The following GALNS variants were observed in gnomAD, a reference collection of about 807,000 sequenced individuals.
GALNS encodes the protein galactosamine (N-acetyl)-6-sulfatase.
A neutral mutation model predicts 65.9 loss-of-function variants in GALNS; 65 were observed. The ratio of observed to expected loss-of-function variants is 0.99; its 90% CI spans 0.81 to 1.21. The LOEUF (loss-of-function observed/expected upper bound fraction) is 1.21, where lower values mean the gene tolerates loss of function less well. GALNS is among the 50% of genes most tolerant of loss of function. The probability of loss-of-function intolerance (pLI) is 0.00; values close to 1 mark genes in which losing one functional copy is unlikely to be tolerated. For missense variants in GALNS, 776 were observed against 700.7 expected (o/e 1.11, Z -1.21); for synonymous variants, 346 against 288.9 (o/e 1.20, Z -2.00).
At position 88,836,234 on chromosome 16, in the gene GALNS, C is replaced by T. The variant is rs760957813; in HGVS notation, c.600G>A (p.Thr200=). 14 of 1,613,462 alleles carry T rather than the reference C, an allele frequency of 8.7e-6. No individual in the cohort carries two copies. The highest frequency in any genetic ancestry group is 1.1e-5 in the South Asian group (1 of 91,058). The change falls in exon 6 of 14, where the codon ACG becomes ACA. Residue 200 remains threonine (T), a synonymous_variant. Coordinates refer to ENST00000268695, the MANE Select transcript of GALNS (RefSeq NM_000512.5). ...AGATCTGGGTGAGGTTGGCTTCCCC[C>T]GTCTTCAGATTAATAGGAAATTCTT... ...YYEEFPINLK[T]GEANLTQIYL...
At chr16:88,820,130 C>G (rs954222167) in intron 12 of GALNS, among the ~76,000 whole-genome samples, 1 of 151,320 alleles carries the variant, frequency 6.6e-6, no homozygotes, top group African/African-American at 2.4e-5. Flanking sequence ...TGCCTGGCCC[C>G]GTCGTCTTTT....
rs889045970 is a variant in GALNS, at chr16:88,820,816, C to CG, written c.1364+1772dup. ...GGCACCGCCATCCAGGCTTTAACCT[C>CG]GGGTGGTCCCTGGAGCGACCAGCCT... On this transcript the variant is annotated intron_variant, in intron 12 of 13. Coordinates refer to ENST00000268695, the MANE Select transcript of GALNS (RefSeq NM_000512.5). Among the ~76,000 whole-genome samples the CG allele has an allele frequency of 7.0e-4, 107 of 152,328 alleles. 1 individual carries two copies. The highest frequency in any genetic ancestry group is 2.4e-3 in the African/African-American group (98 of 41,576).
At chr16:88,855,558 GCT>G (rs1967782818) in intron 1 of GALNS, 2 of 700,186 alleles carry the variant, frequency 2.9e-6, no homozygotes, top group Non-Finnish European at 5.2e-6. Flanking sequence ...TGGAAAAGCA[GCT>G]GCCCAGGACT....
chr16:88,856,113 G>A (rs1967849554), intron 1 of GALNS: 1 of 697,478 alleles, frequency 1.4e-6, no homozygotes, highest in Non-Finnish European at 2.6e-6. Context: ...GTTAGGGAAG[G>A]AGGCCTCCAG....
At chr16:88,818,372 G>A (rs936193847) in intron 12 of GALNS, among the ~76,000 whole-genome samples, 6 of 152,208 alleles carry the variant, frequency 3.9e-5, no homozygotes, top group African/African-American at 1.4e-4. Context: ...GCCAAGCCCT[G>A]GCAGAGAGGC....
At chr16:88,821,031 C>T (rs1397583212) in intron 12 of GALNS, among the ~76,000 whole-genome samples, 1 of 152,200 alleles carries the variant, frequency 6.6e-6, no homozygotes, top group Non-Finnish European at 1.5e-5. Context: ...AAGCTCCAGG[C>T]CCCCCATGGT....
At chr16:88,817,493 G>A (rs1201528631) in intron 13 of GALNS, 21 of 985,288 alleles carry the variant, frequency 2.1e-5, no homozygotes, top group South Asian at 4.7e-5. Context: ...TGAGAACCTC[G>A]CAGGTGGGCC....
intron 1 of GALNS, among the ~76,000 whole-genome samples, chr16:88,853,684 C>G (rs983019633): frequency 6.6e-6 from 1 of 152,206 alleles, no homozygotes; most frequent in South Asian, 2.1e-4. Context: ...GCCCCAGAAG[C>G]CCTGGAGAGC....
chr16:88,835,092 G>T, intron 8 of GALNS, 121 bp downstream of exon 8: 1 of 1,299,292 alleles, frequency 7.7e-7, no homozygotes, highest in Non-Finnish European at 1.1e-6. Flanking sequence ...TCCTCCCGCT[G>T]GACCCAGAGG....
chr16:88,841,156 C>G, intron 3 of GALNS, 62 bp from the exon 4 acceptor site: 1 of 1,279,356 alleles, frequency 7.8e-7, no homozygotes, highest in South Asian at 1.2e-5. Context: ...CAACCCCATC[C>G]TAACAGGACA....
At position 88,855,507 on chromosome 16, in the gene GALNS, C is replaced by T. The variant is rs797002059; in HGVS notation, c.120+1251G>A. Reference sequence around the variant, plus strand: ...GGACCCCTGGGCGCTGGAGAGCGTGCTCTGGAAAGCAGTCACTGCACACAA... The same window carrying T: ...GGACCCCTGGGCGCTGGAGAGCGTGTTCTGGAAAGCAGTCACTGCACACAA... On this transcript the variant is annotated intron_variant, in intron 1 of 13. Coordinates refer to ENST00000268695, the MANE Select transcript of GALNS (RefSeq NM_000512.5). 1.1e-5 allele frequency: 8 copies of T among 702,742 alleles called. No homozygotes were observed. In the African/African-American group the frequency reaches 1.4e-4, roughly 12 times the overall value. The allele number at this position is 702,742 out of a possible 1,614,324, so 43.5% of individuals were successfully genotyped here.
intron 13 of GALNS, chr16:88,816,229 CCT>C: frequency 2.0e-6 from 2 of 985,468 alleles, no homozygotes; most frequent in Non-Finnish European, 2.4e-6. Context: ...CCTCCCCTGC[CCT>C]GTGCCCACTG....
chr16:88,827,795 G>A (rs548475956), intron 9 of GALNS, among the ~76,000 whole-genome samples: 2 of 152,208 alleles, frequency 1.3e-5, no homozygotes, highest in Admixed American at 6.5e-5. Flanking sequence ...CGGGGAGACT[G>A]GGGTGGGGCT....
Position 88,848,839 on chromosome 16 carries a change from G to A in GALNS, c.121-6010C>T, listed in dbSNP as rs371723922. On this transcript the variant is annotated intron_variant, in intron 1 of 13. Coordinates refer to ENST00000268695, the MANE Select transcript of GALNS (RefSeq NM_000512.5). ...CCCGGGGACCGCGGGAGGACAGTGG[G>A]CCGCTCTGGGCGCACGTGGGTGGCT... is the stretch of plus-strand genomic sequence containing the variant. Among the ~76,000 whole-genome samples the A allele has an allele frequency of 1.6e-4, 24 of 152,370 alleles. No individual in the cohort carries two copies. The East Asian group carries it at 1.7e-3, about 11-fold the overall frequency.
intron 11 of GALNS, 43 bp downstream of exon 11, chr16:88,824,724 G>T: frequency 1.3e-6 from 2 of 1,543,438 alleles, no homozygotes; most frequent in African/African-American, 1.4e-5. Context: ...TCTGGATAGA[G>T]ATGGGGGCAG....
At chr16:88,826,256 GCA>G in intron 10 of GALNS, among the ~76,000 whole-genome samples, 1 of 148,908 alleles carries the variant, frequency 6.7e-6, no homozygotes, top group African/African-American at 2.5e-5. Flanking sequence ...GGCAGGGGTG[GCA>G]TGTGCCCGGG....
intron 10 of GALNS, 152 bp from the exon 11 acceptor site, chr16:88,825,021 C>T (rs935447009): frequency 2.6e-5 from 17 of 666,618 alleles, no homozygotes; most frequent in African/African-American, 1.2e-4. Context: ...TAAAAAGGCC[C>T]GCAAGGTGGC....
In GALNS at chr16:88,836,275, G is replaced by A. The variant is rs1487597214; in HGVS notation, c.567-8C>T. ...GGAAATTCTTCATAATATCTGAAAA[G>A]AACACAGATCCAGACAGACTTCAGA... On this transcript the variant is annotated splice_polypyrimidine_tract_variant and splice_region_variant and intron_variant, in intron 5 of 13. Coordinates refer to ENST00000268695, the MANE Select transcript of GALNS (RefSeq NM_000512.5). The A allele has an allele frequency of 6.2e-7, 1 of 1,608,612 alleles. No homozygotes were observed.
rs751269212 is a variant in GALNS, at chr16:88,814,487, A to G, written c.1521T>C (p.Cys507=). The G allele has an allele frequency of 3.2e-6, 5 of 1,562,684 alleles. No homozygotes were observed. In the South Asian group the frequency reaches 5.9e-5, roughly 18 times the overall value. ...TGGGAATGGATTCTGGAGGTGTCAG[A>G]CACTTCCCTAACTTTTCACAGCCCG... ...APPGCEKLGK[C]LTPPESIPKK... The change falls in exon 14 of 14, where the codon TGT becomes TGC. Residue 507 remains cysteine (C), a synonymous_variant. Coordinates refer to ENST00000268695, the MANE Select transcript of GALNS (RefSeq NM_000512.5).
Sources: gnomAD v4.1 joint callset for allele counts (sites outside exome capture counted in the v4.1 genomes callset) on GRCh38, gnomAD v4.1.1 for gene constraint, MANE v1.5 for transcripts, NCBI Gene and HGNC (gene_info 2026-07-23, HGNC 2026-07-21) for gene names.